Variants in PLEKHA4 observed in about 807,000 individuals in gnomAD.
The protein encoded by PLEKHA4 is pleckstrin homology domain containing A4.
Under a neutral mutation model 94.7 loss-of-function variants are expected in PLEKHA4, and 73 were observed. The observed-to-expected ratio is 0.77, with a 90% CI of 0.64 to 0.94. PLEKHA4 has a LOEUF of 0.94. PLEKHA4 is among the 40% of genes least tolerant of loss of function. PLEKHA4 has a pLI of 0.00. For missense variants in PLEKHA4, 1,049 were observed against 1,054.1 expected, an observed-to-expected ratio of 1.00 and a Z score of 0.07; for synonymous variants, 449 against 437.1, an observed-to-expected ratio of 1.03 and a Z score of -0.34.
At chr19:48,865,671 G>A (rs2036806748) in intron 2 of PLEKHA4, 61 bp from the exon 3 acceptor site, 1 of 1,227,704 alleles carries the variant, frequency 8.1e-7, no homozygotes, top group South Asian at 1.3e-5. Context: ...GGGAGGGGGT[G>A]AGGGTGGACA....
At position 48,853,718 on chromosome 19, in the gene PLEKHA4, CA is replaced by C. The variant is rs1311460317; in HGVS notation, c.1289del (p.Leu430ArgfsTer4). ...WGRQRLLQDR[L>X]VSVRATLCHL... ...GACAGAGGGTGGCCCTCACACTGAC[CA>C]GCCGGTCCTGCAAGAGGCGCTGGCG... On this transcript the variant is annotated frameshift_variant, in exon 12 of 20. Coordinates refer to ENST00000263265, the MANE Select transcript of PLEKHA4 (RefSeq NM_020904.3). LOFTEE classifies it high-confidence loss of function. 9 of 1,605,090 alleles carry C rather than the reference CA, an allele frequency of 5.6e-6. No individual in the cohort carries two copies. The East Asian group carries it at 1.8e-4, about 32-fold the overall frequency.
In PLEKHA4 at chr19:48,837,321, GAGGCCATGCCCCCTCGTCTTGTGGC is replaced by G; in HGVS notation, c.2283_2307del (p.Pro762CysfsTer66). Reference sequence around the variant, plus strand: ...CTGGATTGTAGCAGAGTGACTCGCAGAGGCCATGCCCCCTCGTCTTGTGGCAGGACCGGAGGGGCGATCCCGGCAT... The same window carrying G: ...CTGGATTGTAGCAGAGTGACTCGCAGAGGACCGGAGGGGCGATCCCGGCAT... On this transcript the variant is annotated frameshift_variant, in exon 20 of 20. Coordinates refer to ENST00000263265, the MANE Select transcript of PLEKHA4 (RefSeq NM_020904.3). LOFTEE classifies it high-confidence loss of function. This position sits in a 1 kb window ranked among gnomAD's most constrained non-coding sequence, Gnocchi z 4.3. 1 of 1,613,972 alleles carries G rather than the reference GAGGCCATGCCCCCTCGTCTTGTGGC, an allele frequency of 6.2e-7. No homozygotes were observed.
intron 3 of PLEKHA4, among the ~76,000 whole-genome samples, chr19:48,864,885 C>T (rs1209041035): frequency 6.6e-6 from 1 of 152,178 alleles, no homozygotes; most frequent in Admixed American, 6.5e-5. Flanking sequence ...CTTCATAGCC[C>T]ATCCTGCGAT....
At chr19:48,858,722 T>C in intron 8 of PLEKHA4, 138 bp downstream of exon 8, 2 of 963,504 alleles carry the variant, frequency 2.1e-6, no homozygotes, top group Non-Finnish European at 3.2e-6. Context: ...TCAAGCTCTC[T>C]CTCACCTGAG....
chr19:48,858,582 G>A (rs540877466), intron 8 of PLEKHA4, among the ~76,000 whole-genome samples: 44 of 141,128 alleles, frequency 3.1e-4, no homozygotes, highest in Non-Finnish European at 5.2e-4. Context: ...AGCCGAGATC[G>A]TGCCACTGCC....
At chr19:48,863,174 T>C (rs1375458713) in intron 3 of PLEKHA4, among the ~76,000 whole-genome samples, 2 of 152,168 alleles carry the variant, frequency 1.3e-5, no homozygotes, top group African/African-American at 4.8e-5. Context: ...ATCACGTGAG[T>C]CCCCTTTTCA....
In PLEKHA4 at chr19:48,859,557, T is replaced by C. The variant is rs1156440570; in HGVS notation, c.604A>G (p.Arg202Gly). 5 of 1,614,078 alleles carry C rather than the reference T, an allele frequency of 3.1e-6. No homozygotes were observed. The highest frequency in any genetic ancestry group is 4.2e-6 in the Non-Finnish European group (5 of 1,180,020). Residue 202 changes from arginine (R) to glycine (G), a missense_variant, in exon 7 of 20, where the codon AGA (arginine) becomes GGA (glycine). Coordinates refer to ENST00000263265, the MANE Select transcript of PLEKHA4 (RefSeq NM_020904.3). ...SESPEVTRLS[R>G]GRGRPRLLTP... is the part of the protein sequence containing the mutation. ...AGCAGCCTGGGTCTACCACGACCTCTGGAGAGTCGAGTCACTTCCGGTGAT... is the reference window on the plus strand; with the variant it reads ...AGCAGCCTGGGTCTACCACGACCTCCGGAGAGTCGAGTCACTTCCGGTGAT...
chr19:48,846,876 G>C, intron 14 of PLEKHA4, among the ~76,000 whole-genome samples: 1 of 152,118 alleles, frequency 6.6e-6, no homozygotes, highest in East Asian at 1.9e-4. Flanking sequence ...ACCTCTCTGA[G>C]CCATATTTTA....
chr19:48,847,823 G>A (rs2036024109), intron 14 of PLEKHA4, 77 bp downstream of exon 14: 2 of 1,449,194 alleles, frequency 1.4e-6, no homozygotes, highest in East Asian at 2.5e-5. Context: ...GAATTAAAGA[G>A]GTGGGTGGGG....
chr19:48,841,009 A>G, intron 17 of PLEKHA4, 140 bp downstream of exon 17: 2 of 887,756 alleles, frequency 2.3e-6, no homozygotes, highest in Non-Finnish European at 3.4e-6. Flanking sequence ...CTCTAGCACA[A>G]GTACAAACTG....
rs533040703 is a variant in PLEKHA4, at chr19:48,852,776, T to C, written c.1327-450A>G. Among the ~76,000 whole-genome samples the C allele has an allele frequency of 4.0e-5, 6 of 151,898 alleles. No individual in the cohort carries two copies. In the South Asian group the frequency reaches 1.2e-3, roughly 32 times the overall value. On this transcript the variant is annotated intron_variant, in intron 12 of 19. Transcript: ENST00000263265. ...GGTGAAACCCCGTCCCTACTAAAAA[T>C]ACAAAAATTAGCCAGGAATGGTGGC...
chr19:48,866,694 C>T (rs909103011), intron 2 of PLEKHA4, among the ~76,000 whole-genome samples: 2 of 152,132 alleles, frequency 1.3e-5, no homozygotes, highest in African/African-American at 4.8e-5. Flanking sequence ...GCATCCACTG[C>T]CAAGAAGCAG....
intron 14 of PLEKHA4, among the ~76,000 whole-genome samples, chr19:48,846,532 C>G (rs2035977920): frequency 6.6e-6 from 1 of 151,750 alleles, no homozygotes; most frequent in Non-Finnish European, 1.5e-5. Context: ...TTTAGGAGGC[C>G]GAGATGGGAG....
intron 17 of PLEKHA4, among the ~76,000 whole-genome samples, 176 bp from the exon 18 acceptor site, chr19:48,839,439 T>C (rs1020533794): frequency 1.1e-4 from 17 of 152,196 alleles, no homozygotes; most frequent in African/African-American, 4.1e-4. Context: ...TAATTTATTT[T>C]ATTTATTCAT....
intron 3 of PLEKHA4, among the ~76,000 whole-genome samples, chr19:48,862,204 C>T (rs1297301023): frequency 1.3e-4 from 18 of 135,512 alleles, no homozygotes; most frequent in African/African-American, 3.0e-4. Context: ...TTTTCTCTCT[C>T]TTTTTTTTTT....
rs753196367 is a variant in PLEKHA4 at position 48,857,461 on chromosome 19, G to C, written c.1008C>G (p.Pro336=). Residue 336 remains proline (P), a synonymous_variant, in exon 9 of 20, where the codon CCC becomes CCG. Transcript: ENST00000263265. Reference sequence around the variant, plus strand: ...AGGCCCGGGTCCCAGGGGGCCGCGGGGGGAGCTGGAGATAAGTGGGGGAGC... The same window carrying C: ...AGGCCCGGGTCCCAGGGGGCCGCGGCGGGAGCTGGAGATAAGTGGGGGAGC... The part of the protein sequence containing the change: ...HSGSPTYLQL[P]PRPPGTRASM... 8.3e-6 allele frequency: 13 copies of C among 1,568,002 alleles called. No homozygotes were observed. In the East Asian group the frequency reaches 9.5e-5, roughly 11 times the overall value.
At chr19:48,844,804 CTTTTTTTTTTTT>C (rs149141709) in intron 16 of PLEKHA4, among the ~76,000 whole-genome samples, 1 of 70,808 alleles carries the variant, frequency 1.4e-5, no homozygotes, top group African/African-American at 7.1e-5. Context: ...CTCAGGGTGT[CTTTTTTTTTTTT>C]TTTTTTTTTT....
intron 14 of PLEKHA4, among the ~76,000 whole-genome samples, chr19:48,847,531 T>G (rs1234798840): frequency 2.0e-5 from 3 of 152,020 alleles, no homozygotes; most frequent in Non-Finnish European, 2.9e-5. Context: ...CAGGAGTACA[T>G]GACCAGCCTG....
chr19:48,839,159 C>T (rs775156023), intron 18 of PLEKHA4, 46 bp downstream of exon 18: 2 of 1,487,892 alleles, frequency 1.3e-6, no homozygotes, highest in Admixed American at 2.2e-5. Flanking sequence ...TTTGCTTTTG[C>T]AAATTTTTTT....
Sources: gnomAD v4.1 joint callset for allele counts (sites outside exome capture counted in the v4.1 genomes callset) on GRCh38, gnomAD v4.1.1 for gene constraint, Gnocchi (gnomAD v3.1) non-coding constraint, MANE v1.5 for transcripts, NCBI Gene and HGNC (gene_info 2026-07-23, HGNC 2026-07-21) for gene names.